The following GRID2 variants were observed in gnomAD, a reference collection of about 807,000 sequenced individuals.
The protein encoded by GRID2 is glutamate ionotropic receptor delta type subunit 2, also known as glutamate receptor ionotropic, delta-2.
Under a neutral mutation model 114.8 loss-of-function variants are expected in GRID2, and 33 were observed. The observed-to-expected ratio is 0.29, with a 90% CI of 0.22 to 0.38. The LOEUF is 0.38. GRID2 is among the 10% of genes least tolerant of loss of function. The pLI, the probability that GRID2 is intolerant of heterozygous loss-of-function variation, is 1.00. For synonymous variants in GRID2, 505 were observed against 449.9 expected (o/e 1.12, Z -1.55); for missense variants, 1,184 against 1,257.7 (o/e 0.94, Z 0.89).
At chr4:92,871,327 A>G (rs1426231111) in intron 2 of GRID2, among the ~76,000 whole-genome samples, 1 of 151,026 alleles carries the variant, frequency 6.6e-6, no homozygotes, top group Non-Finnish European at 1.5e-5. Context: ...TTTTTCTGTT[A>G]ATGTAACAAG....
intron 2 of GRID2, among the ~76,000 whole-genome samples, chr4:92,688,304 C>A (rs891736605): frequency 3.3e-5 from 5 of 151,856 alleles, no homozygotes; most frequent in Non-Finnish European, 5.9e-5. Flanking sequence ...CCCTCCTCAA[C>A]CTCCCAAAGT....
intron 1 of GRID2, among the ~76,000 whole-genome samples, chr4:92,329,319 T>G (rs1295361759): frequency 6.6e-6 from 1 of 152,024 alleles, no homozygotes; most frequent in Admixed American, 6.6e-5. Context: ...TGGAGTTTAT[T>G]ATAAAAGGAA....
intron 1 of GRID2, among the ~76,000 whole-genome samples, chr4:92,465,919 A>C (rs1311368464): frequency 6.6e-6 from 1 of 151,994 alleles, no homozygotes; most frequent in African/African-American, 2.4e-5. Flanking sequence ...AGTAGAAAAC[A>C]TAAAGAAAAT....
intron 2 of GRID2, among the ~76,000 whole-genome samples, chr4:93,040,285 CA>C (rs1211442570): frequency 0.04 from 4,519 of 111,780 alleles, 66 homozygotes; most frequent in East Asian, 0.077. Flanking sequence ...TACAGAATCA[CA>C]AAAAAAAAAA....
At chr4:93,155,014 C>A (rs1737052825) in intron 4 of GRID2, among the ~76,000 whole-genome samples, 1 of 151,848 alleles carries the variant, frequency 6.6e-6, no homozygotes, top group African/African-American at 2.4e-5. Context: ...TGGGTTCCTA[C>A]AATTTAATAT....
At chr4:92,686,625 T>A (rs931670470) in intron 2 of GRID2, among the ~76,000 whole-genome samples, 1 of 152,192 alleles carries the variant, frequency 6.6e-6, no homozygotes, top group South Asian at 2.1e-4. Flanking sequence ...AAACCATTCA[T>A]CAAGTTAAGA....
intron 8 of GRID2, among the ~76,000 whole-genome samples, chr4:93,259,832 A>G (rs573358453): frequency 2.0e-5 from 3 of 151,894 alleles, no homozygotes; most frequent in South Asian, 4.1e-4. Context: ...GAAGATGGCT[A>G]TACTTAATAT....
chr4:92,344,910 G>T (rs562167517), intron 1 of GRID2, among the ~76,000 whole-genome samples: 137 of 152,158 alleles, frequency 9.0e-4, no homozygotes, highest in African/African-American at 3.1e-3. Context: ...CAATAGTTTT[G>T]TGGGTCCAGG....
chr4:92,955,694 G>A (rs1477418881), intron 2 of GRID2, among the ~76,000 whole-genome samples: 1 of 152,062 alleles, frequency 6.6e-6, no homozygotes. Context: ...CCTTGCCCAT[G>A]CCTATGTCCT....
intron 4 of GRID2, among the ~76,000 whole-genome samples, chr4:93,147,494 G>A (rs1230481961): frequency 6.6e-6 from 1 of 152,120 alleles, no homozygotes; most frequent in Admixed American, 6.6e-5. Flanking sequence ...TAATACTCAT[G>A]GAAAAACAGA....
chr4:92,514,548 T>A (rs1478391480), intron 1 of GRID2, among the ~76,000 whole-genome samples: 4 of 151,948 alleles, frequency 2.6e-5, no homozygotes, highest in South Asian at 2.1e-4. Flanking sequence ...TTTAAATAGA[T>A]ATACTGTTAC....
intron 13 of GRID2, among the ~76,000 whole-genome samples, chr4:93,611,712 G>T (rs1578392673): frequency 8.4e-6 from 1 of 119,184 alleles, no homozygotes; most frequent in Admixed American, 8.6e-5. Flanking sequence ...TTTTACATTT[G>T]CTGAGGAGAG....
chr4:92,381,403 G>A (rs1729612520), intron 1 of GRID2, among the ~76,000 whole-genome samples: 1 of 151,996 alleles, frequency 6.6e-6, no homozygotes, highest in Non-Finnish European at 1.5e-5. Flanking sequence ...CCTAGTACTT[G>A]TAATTTCACT....
At chr4:93,007,776 C>T (rs962288101) in intron 2 of GRID2, among the ~76,000 whole-genome samples, 2 of 152,060 alleles carry the variant, frequency 1.3e-5, no homozygotes, top group African/African-American at 2.4e-5. Flanking sequence ...CACAGTGGCT[C>T]ATGCCTGTAA....
chr4:93,392,019 A>T (rs1474695427), intron 8 of GRID2, among the ~76,000 whole-genome samples: 1 of 152,174 alleles, frequency 6.6e-6, no homozygotes, highest in Non-Finnish European at 1.5e-5. Flanking sequence ...TTGAAAGGAA[A>T]TTGAATTGGG....
chr4:93,201,976 G>T (rs62309156), intron 4 of GRID2, among the ~76,000 whole-genome samples: 10,449 of 152,002 alleles, frequency 0.069, 494 homozygotes, highest in East Asian at 0.25. Context: ...TTCTTGGGAG[G>T]TGGGATAGTT....
chr4:93,617,313 C>T (rs767850842), intron 13 of GRID2, among the ~76,000 whole-genome samples: 9 of 152,090 alleles, frequency 5.9e-5, no homozygotes, highest in Non-Finnish European at 1.3e-4. Context: ...TGTGGTATGC[C>T]CAAACTAACT....
At chr4:92,956,990 C>T (rs189116828) in intron 2 of GRID2, among the ~76,000 whole-genome samples, 5 of 152,132 alleles carry the variant, frequency 3.3e-5, no homozygotes, top group Admixed American at 3.3e-4. Flanking sequence ...GTATTTGGCT[C>T]ATTTTTTGTT....
At chr4:92,720,280 A>T (rs1216261823) in intron 2 of GRID2, among the ~76,000 whole-genome samples, 1 of 152,062 alleles carries the variant, frequency 6.6e-6, no homozygotes, top group African/African-American at 2.4e-5. Flanking sequence ...TTTTCACTTC[A>T]CTATGTGTGC....
Sources: allele counts gnomAD v4.1 joint callset (sites outside exome capture counted in the v4.1 genomes callset), GRCh38; gene constraint gnomAD v4.1.1; transcripts MANE v1.5; gene names NCBI Gene and HGNC (gene_info 2026-07-23, HGNC 2026-07-21).